TYW1: variants seen among roughly 807,000 people sequenced by gnomAD.
The protein encoded by TYW1 is tRNA-yW synthesizing protein 1 homolog.
A neutral mutation model predicts 96.2 loss-of-function variants in TYW1; 46 were observed. The observed-to-expected ratio is 0.48, with a 90% confidence interval of 0.38 to 0.61. The LOEUF (loss-of-function observed/expected upper bound fraction) is 0.61. Among genes scored for constraint, TYW1 ranks in the 20% least tolerant of loss-of-function variants. The pLI, the probability that TYW1 is intolerant of heterozygous loss-of-function variation, is 0.00. For missense variants in TYW1, 684 were observed against 909.6 expected (o/e 0.75, Z 3.19); for synonymous variants, 274 against 323.0 (o/e 0.85, Z 1.63).
At chr7:67,109,273 CAAAA>C (rs1203625487) in intron 12 of TYW1, among the ~76,000 whole-genome samples, 1 of 49,100 alleles carries the variant, frequency 2.0e-5, no homozygotes, top group African/African-American at 7.5e-5. Context: ...GACTCCGTCT[CAAAA>C]AAAAAAAAAA....
intron 10 of TYW1, among the ~76,000 whole-genome samples, chr7:67,081,445 A>G (rs1377776062): frequency 6.9e-6 from 1 of 145,194 alleles, no homozygotes; most frequent in South Asian, 2.2e-4. Context: ...CATTTAATCC[A>G]TTTGAGGAAT....
At chr7:67,062,171 G>T (rs563121865) in intron 9 of TYW1, among the ~76,000 whole-genome samples, 1 of 152,206 alleles carries the variant, frequency 6.6e-6, no homozygotes, top group East Asian at 1.9e-4. Flanking sequence ...AGCACTTCGG[G>T]AGGCTGAGGT....
intron 12 of TYW1, among the ~76,000 whole-genome samples, chr7:67,117,233 ACCAAT>A (rs1369817970): frequency 1.3e-5 from 2 of 152,146 alleles, no homozygotes; most frequent in Non-Finnish European, 2.9e-5. Context: ...TTGAAGAAGG[ACCAAT>A]TTTAAGTAAT....
intron 13 of TYW1, among the ~76,000 whole-genome samples, chr7:67,175,475 C>G (rs1799643874): frequency 6.6e-6 from 1 of 152,088 alleles, no homozygotes; most frequent in Non-Finnish European, 1.5e-5. Flanking sequence ...CCAGCCAGTT[C>G]AGAATATTTA....
chr7:67,042,125 AATT>A (rs1181694526), intron 7 of TYW1, among the ~76,000 whole-genome samples: 5 of 147,706 alleles, frequency 3.4e-5, no homozygotes, highest in Non-Finnish European at 6.0e-5. Context: ...AATTTTAACT[AATT>A]ATTCTGATAT....
intron 13 of TYW1, among the ~76,000 whole-genome samples, chr7:67,122,153 CTGTT>C (rs1797778619): frequency 6.6e-6 from 1 of 150,878 alleles, no homozygotes; most frequent in South Asian, 2.1e-4. Flanking sequence ...ATTCTTCTCT[CTGTT>C]TAAGTAATAG....
chr7:67,051,481 A>C (rs567335467), intron 8 of TYW1, among the ~76,000 whole-genome samples: 43 of 152,172 alleles, frequency 2.8e-4, no homozygotes, highest in African/African-American at 1.0e-3. Context: ...TGTTTTACGT[A>C]TGCTCTAAAG....
intron 15 of TYW1, among the ~76,000 whole-genome samples, chr7:67,209,314 C>CACTT (rs1800918686): frequency 6.6e-6 from 1 of 152,152 alleles, no homozygotes; most frequent in Non-Finnish European, 1.5e-5. Context: ...GAAGGTGGTA[C>CACTT]AGTCAGCTGT....
intron 5 of TYW1, among the ~76,000 whole-genome samples, chr7:67,014,972 C>T (rs1431003919): frequency 4.7e-5 from 7 of 149,880 alleles, no homozygotes; most frequent in Admixed American, 1.3e-4. Context: ...TCATGTGATC[C>T]GCCCAAAGTG....
intron 15 of TYW1, among the ~76,000 whole-genome samples, chr7:67,236,395 G>A (rs533839875): frequency 1.2e-4 from 19 of 152,360 alleles, no homozygotes; most frequent in African/African-American, 4.6e-4. Flanking sequence ...CAGAGGAAGG[G>A]CCTGCGTGAC....
intron 7 of TYW1, among the ~76,000 whole-genome samples, chr7:67,040,134 T>C (rs1794968597): frequency 1.3e-5 from 2 of 151,882 alleles, no homozygotes; most frequent in Non-Finnish European, 2.9e-5. Flanking sequence ...TTTTTGTATT[T>C]TTTGTAGAGA....
chr7:67,132,384 A>G (rs1283259526), intron 13 of TYW1, among the ~76,000 whole-genome samples: 2 of 152,132 alleles, frequency 1.3e-5, no homozygotes, highest in Non-Finnish European at 1.5e-5. Context: ...TGCTGGGATT[A>G]CAGACGTGAT....
intron 12 of TYW1, among the ~76,000 whole-genome samples, chr7:67,111,479 G>C (rs1797404640): frequency 6.6e-6 from 1 of 152,126 alleles, no homozygotes; most frequent in Non-Finnish European, 1.5e-5. Flanking sequence ...GGGATTACAG[G>C]CGTGAGCCAA....
chr7:67,157,533 G>A (rs1339737607), intron 13 of TYW1, among the ~76,000 whole-genome samples: 2 of 152,120 alleles, frequency 1.3e-5, no homozygotes, highest in African/African-American at 4.8e-5. Flanking sequence ...TGATCCACTC[G>A]CCTCAACCTC....
intron 13 of TYW1, among the ~76,000 whole-genome samples, chr7:67,162,514 C>T (rs191757892): frequency 2.8e-4 from 42 of 152,158 alleles, no homozygotes; most frequent in African/African-American, 9.9e-4. Flanking sequence ...TTTGGGGCTG[C>T]CCTATATTCC....
intron 10 of TYW1, among the ~76,000 whole-genome samples, chr7:67,076,168 A>G (rs1178701336): frequency 2.0e-5 from 3 of 152,196 alleles, no homozygotes; most frequent in Non-Finnish European, 4.4e-5. Context: ...GTTGCTAGCC[A>G]ATTGGGACAA....
chr7:67,189,173 A>G (rs1274865300), intron 14 of TYW1, among the ~76,000 whole-genome samples: 2 of 152,174 alleles, frequency 1.3e-5, no homozygotes, highest in South Asian at 2.1e-4. Flanking sequence ...AACTTTGGTC[A>G]TAGAAGTGGT....
intron 7 of TYW1, among the ~76,000 whole-genome samples, chr7:67,027,929 CAAAA>C (rs5884602): frequency 8.2e-6 from 1 of 122,308 alleles, no homozygotes. Context: ...GACTCCATCT[CAAAA>C]AAAAAAAAAA....
intron 1 of TYW1, among the ~76,000 whole-genome samples, chr7:66,997,200 C>T (rs570854611): frequency 6.6e-6 from 1 of 152,300 alleles, no homozygotes; most frequent in South Asian, 2.1e-4. Flanking sequence ...GAAAACTACC[C>T]CTCCCACTTT....
Sources: allele counts gnomAD v4.1 joint callset (sites outside exome capture counted in the v4.1 genomes callset), GRCh38; gene constraint gnomAD v4.1.1; transcripts MANE v1.5; gene names NCBI Gene and HGNC (gene_info 2026-07-23, HGNC 2026-07-21).